Variants in PPP1R9A observed in about 807,000 individuals in gnomAD.
PPP1R9A encodes neurabin-1.
In PPP1R9A, 59 loss-of-function variants were observed where a neutral mutation model predicts 141.9. That is an observed-to-expected ratio of 0.42 (90% CI 0.34 to 0.52). The LOEUF (loss-of-function observed/expected upper bound fraction) is 0.52, where lower values mean the gene tolerates loss of function less well. Ranked by LOEUF, PPP1R9A falls within the 20% of genes least tolerant of loss-of-function variation. PPP1R9A has a pLI of 0.10. For missense variants in PPP1R9A, 1,444 were observed against 1,611.9 expected (o/e 0.90, Z 1.78); for synonymous variants, 500 against 569.7 (o/e 0.88, Z 1.74).
At chr7:95,257,958 A>T (rs1799848560) in intron 12 of PPP1R9A, among the ~76,000 whole-genome samples, 1 of 152,180 alleles carries the variant, frequency 6.6e-6, no homozygotes, top group Admixed American at 6.5e-5. Context: ...GCTATTGTGA[A>T]TAGTGCTGCA....
intron 2 of PPP1R9A, among the ~76,000 whole-genome samples, chr7:94,918,431 G>A (rs914389079): frequency 1.3e-5 from 2 of 152,078 alleles, no homozygotes; most frequent in African/African-American, 2.4e-5. Context: ...GCTGGTGTGT[G>A]TAGGGAGGTG....
At chr7:95,116,331 C>T (rs1199899204) in intron 3 of PPP1R9A, among the ~76,000 whole-genome samples, 1 of 152,036 alleles carries the variant, frequency 6.6e-6, no homozygotes, top group Admixed American at 6.6e-5. Context: ...ATATCCATAT[C>T]TATCTAGAAA....
chr7:95,250,275 T>A lies in PPP1R9A; in HGVS notation c.2396+20T>A. On this transcript the variant is annotated intron_variant, in intron 10 of 19. Transcript: ENST00000433360. ...ACAAAAGTAAGCCGCTTCTAATAACTAAAGAATAGTTATGTTTGTCTAAAG... is the reference window on the plus strand; with the variant it reads ...ACAAAAGTAAGCCGCTTCTAATAACAAAAGAATAGTTATGTTTGTCTAAAG... 6 of 1,570,922 alleles carry A rather than the reference T, an allele frequency of 3.8e-6. No homozygotes were observed. Among genetic ancestry groups the A allele is most frequent in the Non-Finnish European group, 5.2e-6 (6 of 1,151,960 alleles).
intron 2 of PPP1R9A, among the ~76,000 whole-genome samples, chr7:94,993,751 C>T (rs1375816321): frequency 1.3e-5 from 2 of 152,080 alleles, no homozygotes; most frequent in Non-Finnish European, 2.9e-5. Flanking sequence ...TTTAATCTTA[C>T]TGGACTCTAT....
At chr7:95,063,117 T>G (rs960840664) in intron 2 of PPP1R9A, among the ~76,000 whole-genome samples, 2 of 152,212 alleles carry the variant, frequency 1.3e-5, no homozygotes, top group African/African-American at 4.8e-5. Flanking sequence ...TGGTGGGCTG[T>G]AAGTCTGAGA....
At chr7:95,034,986 G>C (rs1228090302) in intron 2 of PPP1R9A, among the ~76,000 whole-genome samples, 1 of 152,122 alleles carries the variant, frequency 6.6e-6, no homozygotes, top group African/African-American at 2.4e-5. Context: ...ATCTGAACCA[G>C]GCTGTGTTTA....
At chr7:95,272,930 A>C (rs1411114046) in intron 14 of PPP1R9A, among the ~76,000 whole-genome samples, 1 of 152,216 alleles carries the variant, frequency 6.6e-6, no homozygotes, top group East Asian at 1.9e-4. Flanking sequence ...CACATAAAAA[A>C]CATCAAATTT....
At chr7:95,253,297 G>A (rs867624505) in intron 12 of PPP1R9A, among the ~76,000 whole-genome samples, 19 of 152,176 alleles carry the variant, frequency 1.2e-4, no homozygotes, top group South Asian at 1.2e-3. Context: ...TAGTTTTTTC[G>A]TGATCTTTCT....
intron 2 of PPP1R9A, among the ~76,000 whole-genome samples, chr7:94,992,879 G>T (rs760348081): frequency 6.6e-6 from 1 of 151,806 alleles, no homozygotes; most frequent in Non-Finnish European, 1.5e-5. Flanking sequence ...TATTTATTCT[G>T]AATATTTTGT....
At chr7:95,211,422 A>G (rs1398983748) in intron 7 of PPP1R9A, among the ~76,000 whole-genome samples, 1 of 152,162 alleles carries the variant, frequency 6.6e-6, no homozygotes, top group Non-Finnish European at 1.5e-5. Flanking sequence ...TCTTCAATTC[A>G]TAGGTTTTCT....
intron 2 of PPP1R9A, among the ~76,000 whole-genome samples, chr7:95,105,195 G>T (rs1019715951): frequency 6.6e-6 from 1 of 152,160 alleles, no homozygotes; most frequent in African/African-American, 2.4e-5. Flanking sequence ...AAGGAAATAA[G>T]TTTTTTTCTT....
At chr7:95,078,126 C>T (rs1815158111) in intron 2 of PPP1R9A, among the ~76,000 whole-genome samples, 1 of 112,558 alleles carries the variant, frequency 8.9e-6, no homozygotes, top group Non-Finnish European at 1.8e-5. Context: ...GCTATCCCTC[C>T]CCCCTCCCCC....
At chr7:95,202,853 A>G (rs1563409175) in intron 6 of PPP1R9A, among the ~76,000 whole-genome samples, 1 of 152,082 alleles carries the variant, frequency 6.6e-6, no homozygotes, top group African/African-American at 2.4e-5. Context: ...AACTAGTGCT[A>G]TATTCCATTT....
In PPP1R9A at chr7:95,022,082, A is replaced by G. The variant is rs1806048833; in HGVS notation, c.1396-89177A>G. 2.0e-5 allele frequency among the ~76,000 whole-genome samples: 3 copies of G among 152,166 alleles called. No homozygotes were observed. In the South Asian group the frequency reaches 6.2e-4, roughly 32 times the overall value. ...TGGGCAGTATGGCCATTTTCACAAT[A>G]TTGATTCTTTCCTATCCATGAGCAT... On this transcript the variant is annotated intron_variant, in intron 2 of 19. Transcript: ENST00000433360.
At chr7:95,282,161 TC>T (rs750984383) in intron 16 of PPP1R9A, among the ~76,000 whole-genome samples, 17,482 of 151,844 alleles carry the variant, frequency 0.12, 1,344 homozygotes, top group African/African-American at 0.21. Context: ...TAAACCCCTA[TC>T]TCTACAAAAA....
intron 4 of PPP1R9A, 71 bp from the exon 5 acceptor site, chr7:95,161,796 G>T (rs1830499883): frequency 2.0e-6 from 2 of 1,004,056 alleles, no homozygotes; most frequent in African/African-American, 1.6e-5. Flanking sequence ...CAACTGATTT[G>T]TTGGAAATGA....
intron 6 of PPP1R9A, among the ~76,000 whole-genome samples, chr7:95,199,045 TC>T (rs1269168633): frequency 5.9e-5 from 9 of 152,204 alleles, no homozygotes; most frequent in Non-Finnish European, 2.9e-5. Flanking sequence ...TAGCACATGT[TC>T]CATAGAGCAG....
At chr7:94,918,110 T>C (rs1792323111) in intron 2 of PPP1R9A, among the ~76,000 whole-genome samples, 2 of 152,226 alleles carry the variant, frequency 1.3e-5, no homozygotes, top group African/African-American at 2.4e-5. Flanking sequence ...TATTTTCTTT[T>C]TGTTCTTTTG....
At chr7:94,923,953 A>T (rs1228968282) in intron 2 of PPP1R9A, among the ~76,000 whole-genome samples, 2 of 152,172 alleles carry the variant, frequency 1.3e-5, no homozygotes, top group Non-Finnish European at 2.9e-5. Flanking sequence ...TGGTGTTTGG[A>T]TTATCACTTT....
Sources: gnomAD v4.1 joint callset for allele counts (sites outside exome capture counted in the v4.1 genomes callset) on GRCh38, gnomAD v4.1.1 for gene constraint, MANE v1.5 for transcripts, NCBI Gene and HGNC (gene_info 2026-07-23, HGNC 2026-07-21) for gene names.